ENOX1: variants seen among roughly 807,000 people sequenced by gnomAD.
ENOX1 encodes the protein candidate growth-related and time keeping constitutive hydroquinone (NADH) oxidase.
A neutral mutation model predicts 82.5 loss-of-function variants in ENOX1; 42 were observed. The ratio of observed to expected loss-of-function variants is 0.51; its 90% CI spans 0.40 to 0.66. The LOEUF is 0.66. ENOX1 is among the 30% of genes least tolerant of loss of function. The pLI, the probability that ENOX1 is intolerant of heterozygous loss-of-function variation, is 0.00. For missense variants in ENOX1, 608 were observed against 811.6 expected (o/e 0.75, Z 3.05); for synonymous variants, 271 against 282.2 (o/e 0.96, Z 0.40).
intron 3 of ENOX1, among the ~76,000 whole-genome samples, chr13:43,445,125 G>GA (rs1555277773): frequency 3.6e-5 from 5 of 137,832 alleles, no homozygotes. Context: ...TTCTTTCTGG[G>GA]TTTTTTTTTT....
At chr13:43,260,824 T>C (rs1488177420) in intron 14 of ENOX1, among the ~76,000 whole-genome samples, 1 of 152,144 alleles carries the variant, frequency 6.6e-6, no homozygotes, top group East Asian at 1.9e-4. Context: ...GAAAGAAAAT[T>C]GGGTCTGAAA....
At chr13:43,527,204 G>A (rs888960600) in intron 2 of ENOX1, among the ~76,000 whole-genome samples, 3 of 151,932 alleles carry the variant, frequency 2.0e-5, no homozygotes, top group Admixed American at 6.6e-5. Context: ...GAAGATCCAC[G>A]CATAAGGGTG....
chr13:43,517,356 G>C (rs2077593390), intron 2 of ENOX1, among the ~76,000 whole-genome samples: 1 of 152,066 alleles, frequency 6.6e-6, no homozygotes, highest in Non-Finnish European at 1.5e-5. Flanking sequence ...AAATTAGCTG[G>C]GCGTGGTGGT....
intron 3 of ENOX1, among the ~76,000 whole-genome samples, chr13:43,426,651 C>G (rs920283916): frequency 4.6e-5 from 7 of 152,112 alleles, no homozygotes; most frequent in African/African-American, 1.7e-4. Context: ...TTAAGCAGTG[C>G]AGTGTCTGAA....
In ENOX1 at chr13:43,469,333, T is replaced by A. The variant is rs1443642012; in HGVS notation, c.-75+14676A>T. On this transcript the variant is annotated intron_variant, in intron 3 of 16. Transcript: ENST00000690772. ...TTATATTTGGTTCTGGTGTATAGTC[T>A]TTTTTATATGTTGCTGTATACAATT... Among the ~76,000 whole-genome samples the A allele has an allele frequency of 5.9e-5, 9 of 152,042 alleles. No homozygotes were observed. In the East Asian group the frequency reaches 1.7e-3, roughly 29 times the overall value.
intron 1 of ENOX1, among the ~76,000 whole-genome samples, chr13:43,765,167 T>TA (rs1299718072): frequency 6.6e-6 from 1 of 152,138 alleles, no homozygotes; most frequent in Non-Finnish European, 1.5e-5. Context: ...ATGGCATATA[T>TA]AGAGGGTGCT....
At chr13:43,661,566 C>CA (rs1255303498) in intron 2 of ENOX1, among the ~76,000 whole-genome samples, 5 of 152,080 alleles carry the variant, frequency 3.3e-5, no homozygotes, top group Non-Finnish European at 4.4e-5. Flanking sequence ...TGTAATCTGC[C>CA]AATACTGTAT....
At chr13:43,496,671 C>T (rs1465912061) in intron 2 of ENOX1, among the ~76,000 whole-genome samples, 1 of 152,120 alleles carries the variant, frequency 6.6e-6, no homozygotes, top group Admixed American at 6.6e-5. Context: ...CATGAGTCAC[C>T]ACACCCAGCC....
At chr13:43,617,876 G>A (rs2082550365) in intron 2 of ENOX1, among the ~76,000 whole-genome samples, 1 of 121,104 alleles carries the variant, frequency 8.3e-6, no homozygotes, top group African/African-American at 3.0e-5. Context: ...CTGCATCCAC[G>A]TCAACATCTA....
At chr13:43,784,673 G>A (rs1952466799) in intron 1 of ENOX1, among the ~76,000 whole-genome samples, 1 of 152,176 alleles carries the variant, frequency 6.6e-6, no homozygotes, top group South Asian at 2.1e-4. Flanking sequence ...TTTGATATGG[G>A]TCCCTGGGGA....
intron 2 of ENOX1, among the ~76,000 whole-genome samples, chr13:43,625,014 C>T (rs57381365): frequency 0.011 from 1,748 of 152,104 alleles, 38 homozygotes; most frequent in African/African-American, 0.04. Context: ...CATGGTATGT[C>T]TCTTTGTTTA....
In ENOX1 at chr13:43,355,920, T is replaced by C; in HGVS notation, c.822A>G (p.Lys274=). 6.2e-7 allele frequency: 1 copy of C among 1,611,766 alleles called. No homozygotes were observed. The highest frequency in any genetic ancestry group is 8.5e-7 in the Non-Finnish European group (1 of 1,178,800). The part of the protein sequence containing the change: ...HEAALLAEKL[K]DDSKFSEAIT... The stretch of plus-strand genomic sequence containing the variant: ...AAAGCCAGCGTGGGTGGCCCATACC[T>C]TTCAGCTTTTCAGCCAGCAGAGCGG... The change falls in exon 8 of 17, where the codon AAA becomes AAG. Residue 274 remains lysine (K), a splice_region_variant and synonymous_variant. Coordinates refer to ENST00000690772, the MANE Select transcript of ENOX1 (RefSeq NM_001347969.2).
At chr13:43,636,019 G>A (rs1313799401) in intron 2 of ENOX1, among the ~76,000 whole-genome samples, 1 of 152,184 alleles carries the variant, frequency 6.6e-6, no homozygotes, top group East Asian at 1.9e-4. Flanking sequence ...CAGAATTGCT[G>A]TCAGCACAGC....
chr13:43,213,868 C>T lies in ENOX1; in HGVS notation c.*122G>A. The T allele has an allele frequency of 9.4e-7, 1 of 1,064,078 alleles. No homozygotes were observed. The highest frequency in any genetic ancestry group is 2.6e-5 in the Admixed American group (1 of 39,076). The allele number at this position is 1,064,078 out of a possible 1,614,324, so 65.9% of individuals were successfully genotyped here. The stretch of plus-strand genomic sequence containing the variant: ...AGAACGCCACAGATATAACTAAAGG[C>T]AGGCTTCGATGGCTCCACAAAGGTT... On this transcript the variant is annotated 3_prime_UTR_variant, in exon 17 of 17. Coordinates refer to ENST00000690772, the MANE Select transcript of ENOX1 (RefSeq NM_001347969.2).
Position 43,603,009 on chromosome 13 carries a change from G to A in ENOX1, c.-219+64470C>T, listed in dbSNP as rs2081794689. Reference sequence around the variant, plus strand: ...AAATAATAACAGCTTATGTGTATATGTAAAGAAAATACAGAACAGACATAA... The same window carrying A: ...AAATAATAACAGCTTATGTGTATATATAAAGAAAATACAGAACAGACATAA... On this transcript the variant is annotated intron_variant, in intron 2 of 16. Coordinates refer to ENST00000690772, the MANE Select transcript of ENOX1 (RefSeq NM_001347969.2). 2.0e-5 allele frequency among the ~76,000 whole-genome samples: 3 copies of A among 152,176 alleles called. No individual in the cohort carries two copies. The South Asian group carries it at 6.2e-4, about 32-fold the overall frequency.
Position 43,498,208 on chromosome 13 carries a change from G to T in ENOX1, c.-218-14056C>A, listed in dbSNP as rs139384409. Reference sequence around the variant, plus strand: ...TAGTTTGTTTTACCTTTGAAAAACAGATTATAGTGTCCTCAGAGGCGGAAA... The same window carrying T: ...TAGTTTGTTTTACCTTTGAAAAACATATTATAGTGTCCTCAGAGGCGGAAA... On this transcript the variant is annotated intron_variant, in intron 2 of 16. Coordinates refer to ENST00000690772, the MANE Select transcript of ENOX1 (RefSeq NM_001347969.2). Among the ~76,000 whole-genome samples the T allele has an allele frequency of 3.9e-5, 6 of 152,166 alleles. No homozygotes were observed. The East Asian group carries it at 1.2e-3, about 29-fold the overall frequency.
chr13:43,466,442 T>G (rs1262191862), intron 3 of ENOX1, among the ~76,000 whole-genome samples: 2 of 152,148 alleles, frequency 1.3e-5, no homozygotes, highest in Non-Finnish European at 2.9e-5. Flanking sequence ...TCTCACCACT[T>G]GTACTCAGCA....
intron 7 of ENOX1, 100 bp downstream of exon 7, chr13:43,359,751 G>T: frequency 8.7e-7 from 1 of 1,149,128 alleles, no homozygotes; most frequent in Non-Finnish European, 1.3e-6. Flanking sequence ...CCCAAACTAT[G>T]AAGACTTTAT....
intron 1 of ENOX1, among the ~76,000 whole-genome samples, chr13:43,779,066 T>C (rs1454870359): frequency 1.3e-5 from 2 of 151,366 alleles, no homozygotes; most frequent in Non-Finnish European, 2.9e-5. Flanking sequence ...CCTCCATCAA[T>C]CCATTTCCCA....
Sources: gnomAD v4.1 joint callset for allele counts (sites outside exome capture counted in the v4.1 genomes callset) on GRCh38, gnomAD v4.1.1 for gene constraint, MANE v1.5 for transcripts, NCBI Gene and HGNC (gene_info 2026-07-23, HGNC 2026-07-21) for gene names.